ABCG8: variants seen among roughly 807,000 people sequenced by gnomAD.
The protein encoded by ABCG8 is ATP binding cassette subfamily G member 8.
Under a neutral mutation model 71.3 loss-of-function variants are expected in ABCG8, and 81 were observed. The observed-to-expected ratio is 1.14, with a 90% confidence interval of 0.95 to 1.37. The LOEUF is 1.37. Among genes scored for constraint, ABCG8 ranks in the 40% most tolerant of loss-of-function variants. ABCG8 has a pLI of 0.00. For synonymous variants in ABCG8, 451 were observed against 354.7 expected, an observed-to-expected ratio of 1.27 and a Z score of -3.05; for missense variants, 1,119 against 866.2, an observed-to-expected ratio of 1.29 and a Z score of -3.66.
chr2:43,882,585 A>T lies in ABCG8; in HGVS notation c.*4672A>T, dbSNP rs1670160968. 1 of 152,274 alleles carries T rather than the reference A, an allele frequency of 6.6e-6. No homozygotes were observed. The highest frequency in any genetic ancestry group is 1.5e-5 in the Non-Finnish European group (1 of 68,054). 9.4% of individuals were successfully genotyped at this position (152,274 alleles called of 1,614,324 possible). A position where few individuals can be genotyped will look rare whatever the true frequency, so the allele number is the denominator to read the frequency against. On this transcript the variant is annotated 3_prime_UTR_variant, in exon 13 of 13. Transcript: ENST00000272286. The stretch of plus-strand genomic sequence containing the variant: ...GTGAATAGTCTGCACTAGATAATTC[A>T]GATTTCAAGTCATCTGTCATTCGTA...
At chr2:43,846,114 C>T (rs750580092) in intron 2 of ABCG8, 41 bp from the exon 3 acceptor site, 1 of 1,610,586 alleles carries the variant, frequency 6.2e-7, no homozygotes, top group Admixed American at 1.7e-5. Context: ...GCCCTCTGAA[C>T]CATTCAGCTC....
At chr2:43,862,579 T>A (rs1366296420) in intron 6 of ABCG8, among the ~76,000 whole-genome samples, 1 of 121,822 alleles carries the variant, frequency 8.2e-6, no homozygotes, top group Non-Finnish European at 1.9e-5. Context: ...TGTTTCTGGA[T>A]AGAACTCTTA....
intron 6 of ABCG8, among the ~76,000 whole-genome samples, chr2:43,857,515 C>T (rs892499931): frequency 1.3e-5 from 2 of 151,746 alleles, no homozygotes; most frequent in Non-Finnish European, 3.0e-5. Context: ...AGAACCCTCA[C>T]TATCTATATG....
chr2:43,875,017 C>G lies in ABCG8; in HGVS notation c.1489-129C>G, dbSNP rs532221631. The G allele has an allele frequency of 1.0e-5, 14 of 1,348,578 alleles. No individual in the cohort carries two copies. In the South Asian group the frequency reaches 1.5e-4, roughly 15 times the overall value. The allele number at this position is 1,348,578 out of a possible 1,614,324, so 83.5% of individuals were successfully genotyped here. A position where few individuals can be genotyped will look rare whatever the true frequency, so the allele number is the denominator to read the frequency against. On this transcript the variant is annotated intron_variant, in intron 10 of 12. Coordinates refer to ENST00000272286, the MANE Select transcript of ABCG8 (RefSeq NM_022437.3). The stretch of plus-strand genomic sequence containing the variant: ...CTCATGCTCCTGGGTCCCAGCACAC[C>G]CTCCTGCCACAGCCTCATCATCACC...
At chr2:43,864,295 C>A (rs1185471151) in intron 6 of ABCG8, among the ~76,000 whole-genome samples, 2 of 150,604 alleles carry the variant, frequency 1.3e-5, no homozygotes. Flanking sequence ...GAATTCTCAC[C>A]ATATGGATAG....
chr2:43,874,325 T>A, intron 9 of ABCG8, 82 bp from the exon 10 acceptor site: 1 of 1,174,436 alleles, frequency 8.5e-7, no homozygotes, highest in Non-Finnish European at 1.3e-6. Context: ...TACTTTGAAT[T>A]GTATTAAGAG....
Position 43,839,008 on chromosome 2 carries a change from T to G in ABCG8, c.-46T>G, listed in dbSNP as rs756956428. 1 of 1,539,792 alleles carries G rather than the reference T, an allele frequency of 6.5e-7. No homozygotes were observed. The stretch of plus-strand genomic sequence containing the variant: ...GACACTGGCCCTGGCAGGCAGCAGC[T>G]GGGTCTAAGAGAGCTGCAGCCCAGG... On this transcript the variant is annotated 5_prime_UTR_variant, in exon 1 of 13. Coordinates refer to ENST00000272286, the MANE Select transcript of ABCG8 (RefSeq NM_022437.3).
chr2:43,877,368 A>G (rs570181633), intron 11 of ABCG8, among the ~76,000 whole-genome samples, 193 bp from the exon 12 acceptor site: 5 of 151,668 alleles, frequency 3.3e-5, no homozygotes, highest in African/African-American at 1.2e-4. Flanking sequence ...AGATCGTGCG[A>G]ATATGGGGAG....
Position 43,873,780 on chromosome 2 carries a change from T to A in ABCG8, c.1212-7T>A, listed in dbSNP as rs759300542. ...TGCCTCAGCATCTCTTCCTTTTGGT[T>A]TTTAAGTCGTCAGATTTCCAACGAC... On this transcript the variant is annotated splice_polypyrimidine_tract_variant and splice_region_variant and intron_variant, in intron 8 of 12. Coordinates refer to ENST00000272286, the MANE Select transcript of ABCG8 (RefSeq NM_022437.3). 150 of 1,613,970 alleles carry A rather than the reference T, an allele frequency of 9.3e-5. No homozygotes were observed. Among genetic ancestry groups the A allele is most frequent in the Non-Finnish European group, 4.1e-5 (48 of 1,180,010 alleles).
intron 6 of ABCG8, among the ~76,000 whole-genome samples, chr2:43,865,985 A>T (rs1221718344): frequency 3.9e-5 from 6 of 152,022 alleles, no homozygotes. Context: ...TGGTACTGGT[A>T]CCAAAACAGA....
At chr2:43,858,842 T>A (rs1429185325) in intron 6 of ABCG8, among the ~76,000 whole-genome samples, 1 of 150,984 alleles carries the variant, frequency 6.6e-6, no homozygotes, top group Non-Finnish European at 1.5e-5. Context: ...CTGGATAGAA[T>A]TCTCACACTC....
intron 3 of ABCG8, among the ~76,000 whole-genome samples, chr2:43,851,282 G>A (rs1048539177): frequency 6.6e-6 from 1 of 152,204 alleles, no homozygotes; most frequent in Non-Finnish European, 1.5e-5. Flanking sequence ...TGGCCCTGTG[G>A]CATCTAGGAC....
chr2:43,877,441 A>G, intron 11 of ABCG8, 120 bp from the exon 12 acceptor site: 1 of 1,527,516 alleles, frequency 6.5e-7, no homozygotes, highest in Non-Finnish European at 9.0e-7. Flanking sequence ...AGATCATGCA[A>G]ATATGGGCAG....
chr2:43,853,613 C>T (rs1394289730), intron 6 of ABCG8, among the ~76,000 whole-genome samples: 1 of 152,174 alleles, frequency 6.6e-6, no homozygotes, highest in Non-Finnish European at 1.5e-5. Flanking sequence ...CACCAGTAAA[C>T]AGGACAACAG....
intron 3 of ABCG8, 131 bp downstream of exon 3, chr2:43,846,442 C>T: frequency 7.4e-7 from 1 of 1,360,380 alleles, no homozygotes; most frequent in Non-Finnish European, 1.0e-6. Flanking sequence ...GCTGAGAACA[C>T]AGGTTCTGGG....
intron 6 of ABCG8, among the ~76,000 whole-genome samples, chr2:43,861,712 C>T (rs56708646): frequency 0.052 from 7,734 of 147,832 alleles, 242 homozygotes; most frequent in Middle Eastern, 0.12. Context: ...ATTCTCACTC[C>T]CCAGATAGTG....
chr2:43,852,011 G>C (rs1668935224), intron 4 of ABCG8, among the ~76,000 whole-genome samples, 189 bp downstream of exon 4: 1 of 152,202 alleles, frequency 6.6e-6, no homozygotes, highest in South Asian at 2.1e-4. Context: ...CCCGCCAGAA[G>C]CTAGCTCAGC....
At chr2:43,850,000 G>A (rs913312116) in intron 3 of ABCG8, among the ~76,000 whole-genome samples, 2 of 152,152 alleles carry the variant, frequency 1.3e-5, no homozygotes, top group Admixed American at 1.3e-4. Context: ...AGGGGTTCGA[G>A]ACCAGCCTGG....
In ABCG8 at chr2:43,869,622, T is replaced by A. The variant is rs981695009; in HGVS notation, c.965-2354T>A. 7.9e-5 allele frequency among the ~76,000 whole-genome samples: 12 copies of A among 151,674 alleles called. 1 individual carries two copies. ...TACTCTCTGGATAGAACTCTCACTA[T>A]CTTTTTGGTTAGAACTGTCACCCTG... On this transcript the variant is annotated intron_variant, in intron 6 of 12. Coordinates refer to ENST00000272286, the MANE Select transcript of ABCG8 (RefSeq NM_022437.3).
Sources: gnomAD v4.1 joint callset for allele counts (sites outside exome capture counted in the v4.1 genomes callset) on GRCh38, gnomAD v4.1.1 for gene constraint, MANE v1.5 for transcripts, NCBI Gene and HGNC (gene_info 2026-07-23, HGNC 2026-07-21) for gene names.